CSMD2: variants seen among roughly 807,000 people sequenced by gnomAD.
CSMD2 encodes the protein CUB and Sushi multiple domains 2.
Under a neutral mutation model 398.5 loss-of-function variants are expected in CSMD2, and 130 were observed. The observed-to-expected ratio is 0.33, with a 90% CI of 0.28 to 0.38. The LOEUF (loss-of-function observed/expected upper bound fraction) is 0.38, where lower values mean the gene tolerates loss of function less well. Among genes scored for constraint, CSMD2 ranks in the 10% least tolerant of loss-of-function variants. CSMD2 has a pLI of 1.00. For synonymous variants in CSMD2, 1,828 were observed against 1,908.5 expected, an observed-to-expected ratio of 0.96 and a Z score of 1.10; for missense variants, 3,829 against 4,764.9, an observed-to-expected ratio of 0.80 and a Z score of 5.78.
chr1:33,996,721 T>G (rs1646738517), intron 3 of CSMD2, among the ~76,000 whole-genome samples: 1 of 145,104 alleles, frequency 6.9e-6, no homozygotes, highest in South Asian at 2.1e-4. Flanking sequence ...TATAGAAAAC[T>G]GGAACCGATT....
chr1:33,966,786 T>G (rs1386380327), intron 3 of CSMD2, among the ~76,000 whole-genome samples: 1 of 152,150 alleles, frequency 6.6e-6, no homozygotes, highest in African/African-American at 2.4e-5. Flanking sequence ...AAATTGCTTA[T>G]TGAGTGGGAA....
At chr1:34,113,497 G>A (rs1382597) in intron 1 of CSMD2, among the ~76,000 whole-genome samples, 142,116 of 152,178 alleles carry the variant, frequency 0.93, 66,752 homozygotes, top group East Asian at 1. Flanking sequence ...TTGTTAGCTG[G>A]GAGAGACTTT....
intron 25 of CSMD2, among the ~76,000 whole-genome samples, chr1:33,671,471 C>T (rs753686303): frequency 3.9e-5 from 6 of 152,106 alleles, no homozygotes; most frequent in Non-Finnish European, 7.4e-5. Flanking sequence ...TGGATCTTGA[C>T]TTCATTGCTG....
At position 34,090,058 on chromosome 1, in the gene CSMD2, T is replaced by C. The variant is rs1180316864; in HGVS notation, c.188-865A>G. 3.9e-5 allele frequency among the ~76,000 whole-genome samples: 6 copies of C among 152,286 alleles called. No individual in the cohort carries two copies. In the East Asian group the frequency reaches 7.7e-4, roughly 20 times the overall value. On this transcript the variant is annotated intron_variant, in intron 1 of 70. Coordinates refer to ENST00000373381, the MANE Select transcript of CSMD2 (RefSeq NM_001281956.2). ...ACAGATCTACTACCCATGGGCTCAGTGGCTATTTTTCCGTTTTCTTGTTAA... is the reference window on the plus strand; with the variant it reads ...ACAGATCTACTACCCATGGGCTCAGCGGCTATTTTTCCGTTTTCTTGTTAA...
In CSMD2 at chr1:33,533,323, T is replaced by C; in HGVS notation, c.9992-94A>G. 1 of 1,097,182 alleles carries C rather than the reference T, an allele frequency of 9.1e-7. No homozygotes were observed. The highest frequency in any genetic ancestry group is 1.3e-6 in the Non-Finnish European group (1 of 755,534). 68.0% of individuals were successfully genotyped at this position (1,097,182 alleles called of 1,614,324 possible). ...CCCTGTTCCTAGATAGAATATCCTC[T>C]TCCTTTCCCTTCCAGTCCCTTTCAT... On this transcript the variant is annotated intron_variant, in intron 63 of 70. Coordinates refer to ENST00000373381, the MANE Select transcript of CSMD2 (RefSeq NM_001281956.2). The surrounding 1 kb of genome is among the most constrained non-coding windows in gnomAD (Gnocchi z 4.2).
intron 52 of CSMD2, among the ~76,000 whole-genome samples, chr1:33,569,134 G>A (rs1659339389): frequency 2.0e-5 from 3 of 152,300 alleles, no homozygotes; most frequent in Non-Finnish European, 2.9e-5. Flanking sequence ...TAACCAGAAT[G>A]AGAACCCCTC....
intron 21 of CSMD2, among the ~76,000 whole-genome samples, chr1:33,712,095 C>A (rs1393755735): frequency 6.6e-6 from 1 of 152,220 alleles, no homozygotes; most frequent in Admixed American, 6.5e-5. Flanking sequence ...ATTCTGGCAT[C>A]TGTGACTTCT....
intron 2 of CSMD2, among the ~76,000 whole-genome samples, chr1:34,064,931 G>A (rs1417791057): frequency 2.0e-5 from 3 of 152,148 alleles, no homozygotes; most frequent in African/African-American, 7.2e-5. Flanking sequence ...GGAAAACTCG[G>A]ATAAAACCAT....
intron 3 of CSMD2, among the ~76,000 whole-genome samples, chr1:33,987,876 C>T (rs916890222): frequency 3.3e-5 from 5 of 152,152 alleles, no homozygotes; most frequent in African/African-American, 1.2e-4. Context: ...TCCCAGCCCC[C>T]ACATCTCCAC....
intron 1 of CSMD2, among the ~76,000 whole-genome samples, chr1:34,119,419 C>T (rs550941199): frequency 1.1e-4 from 17 of 152,126 alleles, no homozygotes; most frequent in South Asian, 8.3e-4. Context: ...AATAGACAAA[C>T]GAAACTACAT....
rs1052718024 is a variant in CSMD2, at chr1:34,130,413, T to G, written c.187+34498A>C. On this transcript the variant is annotated intron_variant, in intron 1 of 70. Coordinates refer to ENST00000373381, the MANE Select transcript of CSMD2 (RefSeq NM_001281956.2). ...GCAAAAAAAAAAAAAAAAAAAAAGT[T>G]TGTTGTTTTCCAGTAAGAGCAAAAA... Among the ~76,000 whole-genome samples the G allele has an allele frequency of 8.2e-5, 8 of 98,012 alleles. 1 individual carries two copies. The highest frequency in any genetic ancestry group is 2.2e-4 in the African/African-American group (7 of 31,498). The allele number at this position is 98,012 out of a possible 152,430, so 64.3% of individuals were successfully genotyped here. A position where few individuals can be genotyped will look rare whatever the true frequency, so the allele number is the denominator to read the frequency against.
At chr1:34,156,649 A>T (rs1216764561) in intron 1 of CSMD2, among the ~76,000 whole-genome samples, 1 of 152,204 alleles carries the variant, frequency 6.6e-6, no homozygotes, top group Non-Finnish European at 1.5e-5. Context: ...AGACATTAGC[A>T]GGTAGGAAGG....
In CSMD2 at chr1:33,585,195, G is replaced by A. The variant is rs555342767; in HGVS notation, c.7051+1309C>T. Among the ~76,000 whole-genome samples the A allele has an allele frequency of 5.7e-4, 87 of 152,348 alleles. 1 individual carries two copies. Among genetic ancestry groups the A allele is most frequent in the African/African-American group, 2.1e-3 (86 of 41,578 alleles). The stretch of plus-strand genomic sequence containing the variant: ...ACGGAGAAATCAGTGTTTTGCAGTA[G>A]ATGTGCCTTTAGACAGGCTTCCTGG... On this transcript the variant is annotated intron_variant, in intron 46 of 70. Coordinates refer to ENST00000373381, the MANE Select transcript of CSMD2 (RefSeq NM_001281956.2).
intron 10 of CSMD2, among the ~76,000 whole-genome samples, chr1:33,803,110 C>T (rs748087197): frequency 6.6e-6 from 1 of 152,178 alleles, no homozygotes; most frequent in Non-Finnish European, 1.5e-5. Flanking sequence ...TTGCCATGAT[C>T]AGACATGCCC....
chr1:33,987,187 T>G (rs1380702091), intron 3 of CSMD2, among the ~76,000 whole-genome samples: 1 of 152,158 alleles, frequency 6.6e-6, no homozygotes, highest in Non-Finnish European at 1.5e-5. Context: ...GTTCTTCCAC[T>G]ACCTAATTCC....
At position 33,533,181 on chromosome 1, in the gene CSMD2, G is replaced by A; in HGVS notation, c.10040C>T (p.Ala3347Val). Reference protein sequence around the residue: ...PETPTHANVGALDLPSMGYTL... With the variant: ...PETPTHANVGVLDLPSMGYTL... Reference sequence around the variant, plus strand: ...GTAGCCCATGGAGGGCAAATCCAGGGCCCCGACGTTGGCATGCGTTGGCGT... The same window carrying A: ...GTAGCCCATGGAGGGCAAATCCAGGACCCCGACGTTGGCATGCGTTGGCGT... Residue 3347 changes from alanine to valine, a missense_variant, in exon 64 of 71, where the codon GCC (alanine) becomes GTC (valine). By Grantham distance (64) the Ala-to-Val change is moderately conservative. Coordinates refer to ENST00000373381, the MANE Select transcript of CSMD2 (RefSeq NM_001281956.2). This position sits in a 1 kb window ranked among gnomAD's most constrained non-coding sequence, Gnocchi z 4.2. 1 of 1,614,034 alleles carries A rather than the reference G, an allele frequency of 6.2e-7. No homozygotes were observed. Among genetic ancestry groups the A allele is most frequent in the Non-Finnish European group, 8.5e-7 (1 of 1,179,998 alleles).
chr1:33,614,780 C>T (rs1030541708), intron 39 of CSMD2, among the ~76,000 whole-genome samples, 160 bp from the exon 40 acceptor site: 11 of 152,170 alleles, frequency 7.2e-5, no homozygotes, highest in African/African-American at 2.7e-4. Flanking sequence ...ACTAAGCCCA[C>T]GGGCAACATT....
At chr1:33,555,010 C>T (rs757910975) in intron 55 of CSMD2, among the ~76,000 whole-genome samples, 13 of 152,206 alleles carry the variant, frequency 8.5e-5, no homozygotes, top group Non-Finnish European at 1.2e-4. Context: ...AAGGCTATAG[C>T]TTCCACAGAT....
chr1:33,869,867 G>C (rs961929266), intron 5 of CSMD2, among the ~76,000 whole-genome samples: 8 of 152,176 alleles, frequency 5.3e-5, no homozygotes, highest in African/African-American at 1.7e-4. Flanking sequence ...TAATAAAGGT[G>C]ACATGCTGAT....
Sources: gnomAD v4.1 joint callset for allele counts (sites outside exome capture counted in the v4.1 genomes callset) on GRCh38, gnomAD v4.1.1 for gene constraint, Gnocchi (gnomAD v3.1) non-coding constraint, MANE v1.5 for transcripts, NCBI Gene and HGNC (gene_info 2026-07-23, HGNC 2026-07-21) for gene names.